The following MACROD2 variants were observed in gnomAD, a reference collection of about 807,000 sequenced individuals.
MACROD2 encodes ADP-ribose glycohydrolase MACROD2.
In MACROD2, 36 loss-of-function variants were observed where a neutral mutation model predicts 70.4. That is an observed-to-expected ratio of 0.51 (90% confidence interval 0.39 to 0.68). The LOEUF (loss-of-function observed/expected upper bound fraction) is 0.68, where lower values mean the gene tolerates loss of function less well. Among genes scored for constraint, MACROD2 ranks in the 30% least tolerant of loss-of-function variants. MACROD2 has a pLI of 0.00. For synonymous variants in MACROD2, 172 were observed against 178.8 expected (o/e 0.96, Z 0.30); for missense variants, 496 against 538.4 (o/e 0.92, Z 0.78).
At chr20:15,376,339 C>T (rs1028631046) in intron 6 of MACROD2, among the ~76,000 whole-genome samples, 1 of 152,084 alleles carries the variant, frequency 6.6e-6, no homozygotes, top group African/African-American at 2.4e-5. Context: ...AACTTGGACC[C>T]TTTGATTGCT....
At chr20:14,790,009 G>A (rs2072430386) in intron 5 of MACROD2, among the ~76,000 whole-genome samples, 2 of 152,004 alleles carry the variant, frequency 1.3e-5, no homozygotes, top group Admixed American at 1.3e-4. Context: ...TACTTAGGAT[G>A]CTAAAATATG....
intron 5 of MACROD2, among the ~76,000 whole-genome samples, chr20:14,984,061 T>A (rs2074826580): frequency 6.6e-6 from 1 of 152,200 alleles, no homozygotes; most frequent in Admixed American, 6.5e-5. Context: ...AGTTGGCTGC[T>A]GCTTCAAAGG....
At chr20:15,646,927 G>A (rs963423689) in intron 8 of MACROD2, among the ~76,000 whole-genome samples, 1 of 152,190 alleles carries the variant, frequency 6.6e-6, no homozygotes, top group Non-Finnish European at 1.5e-5. Flanking sequence ...AATACACACA[G>A]CACAGACATA....
At chr20:15,777,652 C>CTCTCTT (rs71190199) in intron 8 of MACROD2, among the ~76,000 whole-genome samples, 33,560 of 135,010 alleles carry the variant, frequency 0.25, 5,320 homozygotes, top group East Asian at 0.49. Flanking sequence ...CTCTCTCTCT[C>CTCTCTT]TCTTTCTTTC....
chr20:15,325,910 CGTAGTTAG>C lies in MACROD2; in HGVS notation c.540+95852_540+95859del, dbSNP rs543456276. Among the ~76,000 whole-genome samples the C allele has an allele frequency of 2.0e-5, 3 of 152,156 alleles. No homozygotes were observed. The East Asian group carries it at 5.8e-4, about 29-fold the overall frequency. ...ATCTTCCCCGTTTCCTCTTAGTAAT[CGTAGTTAG>C]GTTCTTGATGTCCCCTGTGACATTT... On this transcript the variant is annotated intron_variant, in intron 6 of 17. Coordinates refer to ENST00000684519, the MANE Select transcript of MACROD2 (RefSeq NM_001351661.2).
rs763690480 is a variant in MACROD2 at position 15,387,372 on chromosome 20, TCCCTCTCTTCCTA to T, written c.541-44030_541-44018del. 6.9e-5 allele frequency among the ~76,000 whole-genome samples: 4 copies of T among 58,128 alleles called. No homozygotes were observed. The East Asian group carries it at 2.6e-3, about 38-fold the overall frequency. 38.1% of individuals were successfully genotyped at this position (58,128 alleles called of 152,430 possible). A position where few individuals can be genotyped will look rare whatever the true frequency, so the allele number is the denominator to read the frequency against. ...TCTGCTTCTATTCCTCTCCCTTTCT[TCCCTCTCTTCCTA>T]CCTCTCTGCAGTCTGCACTTTTCCC... On this transcript the variant is annotated intron_variant, in intron 6 of 17. Coordinates refer to ENST00000684519, the MANE Select transcript of MACROD2 (RefSeq NM_001351661.2).
intron 8 of MACROD2, among the ~76,000 whole-genome samples, chr20:15,841,101 G>A (rs2064164981): frequency 6.6e-6 from 1 of 152,118 alleles, no homozygotes; most frequent in South Asian, 2.1e-4. Flanking sequence ...CTGGTGAGAT[G>A]GAATGTCTTT....
intron 3 of MACROD2, chr20:14,325,281 C>T (rs1266705186): frequency 1.1e-5 from 3 of 275,354 alleles, no homozygotes; most frequent in Non-Finnish European, 2.0e-5. Context: ...TGGTTTATAA[C>T]TCCAATATTT....
chr20:14,198,822 C>T (rs1372597277), intron 3 of MACROD2, among the ~76,000 whole-genome samples: 1 of 152,030 alleles, frequency 6.6e-6, no homozygotes, highest in African/African-American at 2.4e-5. Flanking sequence ...TTTGTATTAC[C>T]TTTGTAAATA....
At chr20:14,809,699 A>C (rs1055970165) in intron 5 of MACROD2, among the ~76,000 whole-genome samples, 4 of 152,070 alleles carry the variant, frequency 2.6e-5, no homozygotes, top group African/African-American at 7.2e-5. Context: ...AGACTAAAAA[A>C]GAAGAAAAGA....
intron 3 of MACROD2, among the ~76,000 whole-genome samples, chr20:14,091,277 T>G (rs2148672681): frequency 6.6e-6 from 1 of 152,288 alleles, no homozygotes; most frequent in Non-Finnish European, 1.5e-5. Context: ...TTTGCTTTCA[T>G]TGCCACAGAA....
chr20:14,371,386 C>A (rs1166196271), intron 3 of MACROD2, among the ~76,000 whole-genome samples: 1 of 152,020 alleles, frequency 6.6e-6, no homozygotes, highest in Non-Finnish European at 1.5e-5. Flanking sequence ...ACTCAGGAGG[C>A]TGAGATAGAG....
At chr20:15,830,167 C>G (rs140889926) in intron 8 of MACROD2, among the ~76,000 whole-genome samples, 1,817 of 152,234 alleles carry the variant, frequency 0.012, 11 homozygotes, top group Non-Finnish European at 0.02. Flanking sequence ...AGGTGGAGAT[C>G]ATGTCAACGC....
chr20:14,819,395 A>C (rs887025701), intron 5 of MACROD2, among the ~76,000 whole-genome samples: 2 of 151,958 alleles, frequency 1.3e-5, no homozygotes, highest in African/African-American at 4.8e-5. Flanking sequence ...AAAAAAAAAA[A>C]AAAAGGTACA....
chr20:15,785,657 G>A (rs2051912726), intron 8 of MACROD2, among the ~76,000 whole-genome samples: 1 of 152,078 alleles, frequency 6.6e-6, no homozygotes, highest in Non-Finnish European at 1.5e-5. Context: ...GAAGCAGAGA[G>A]CCCTAACTGA....
chr20:15,509,211 G>A (rs182520629), intron 8 of MACROD2, among the ~76,000 whole-genome samples: 5 of 152,236 alleles, frequency 3.3e-5, no homozygotes, highest in Admixed American at 2.6e-4. Flanking sequence ...TATAAAATCA[G>A]TCTTTCAATA....
chr20:14,463,013 T>C (rs575775450), intron 3 of MACROD2, among the ~76,000 whole-genome samples: 2 of 152,240 alleles, frequency 1.3e-5, no homozygotes, highest in South Asian at 4.1e-4. Flanking sequence ...GACTTGGCAA[T>C]GCGGGCTGTA....
At chr20:15,482,576 G>A (rs1279806048) in intron 7 of MACROD2, among the ~76,000 whole-genome samples, 3 of 152,266 alleles carry the variant, frequency 2.0e-5, no homozygotes, top group South Asian at 2.1e-4. Context: ...TCTTTTGTGC[G>A]AATACCAAGG....
At chr20:14,492,777 A>G (rs900251900) in intron 3 of MACROD2, among the ~76,000 whole-genome samples, 1 of 152,068 alleles carries the variant, frequency 6.6e-6, no homozygotes, top group African/African-American at 2.4e-5. Flanking sequence ...TTATATTTGG[A>G]TAAATTTAGG....
Sources: allele counts gnomAD v4.1 joint callset (sites outside exome capture counted in the v4.1 genomes callset), GRCh38; gene constraint gnomAD v4.1.1; transcripts MANE v1.5; gene names NCBI Gene and HGNC (gene_info 2026-07-23, HGNC 2026-07-21).